The following PCDHGA8 variants were observed in gnomAD, a reference collection of about 807,000 sequenced individuals.
PCDHGA8 encodes the protein protocadherin gamma-A8.
PCDHGA8 carries 45 observed loss-of-function variants against 59.2 expected under a neutral mutation model. The ratio of observed to expected loss-of-function variants is 0.76; its 90% CI spans 0.60 to 0.98. The LOEUF is 0.98. PCDHGA8 is among the 50% of genes least tolerant of loss of function. The pLI is 0.00. For missense variants in PCDHGA8, 1,257 were observed against 1,196.2 expected (o/e 1.05, Z -0.75); for synonymous variants, 531 against 519.0 (o/e 1.02, Z -0.32).
At chr5:141,412,561 T>G (rs1183372771) in intron 1 of PCDHGA8, 3 of 152,184 alleles carry the variant, frequency 2.0e-5, no homozygotes, top group Admixed American at 6.5e-5. Context: ...TCTCATGAGT[T>G]TATTTAATAT....
intron 2 of PCDHGA8, among the ~76,000 whole-genome samples, chr5:141,498,971 G>GGAA (rs2099787559): frequency 9.0e-6 from 1 of 110,972 alleles, no homozygotes; most frequent in African/African-American, 3.6e-5. Flanking sequence ...GAGGGAGGGA[G>GGAA]GGAAGGAAGG....
rs750397953 is a variant in PCDHGA8 at position 141,409,543 on chromosome 5, C to CA, written c.2424+14308dup. 2.4e-5 allele frequency: 38 copies of CA among 1,613,884 alleles called. No individual in the cohort carries two copies. The South Asian group carries it at 4.1e-4, about 17-fold the overall frequency. On this transcript the variant is annotated intron_variant, in intron 1 of 3. Transcript: ENST00000398604. ...CCTTGTATGTCGCTGACATCAACGACAACGCCCCAGTTTTCGACCAGACGT... is the reference window on the plus strand; with the variant it reads ...CCTTGTATGTCGCTGACATCAACGACAAACGCCCCAGTTTTCGACCAGACGT...
chr5:141,428,587 G>C (rs914718913), intron 1 of PCDHGA8: 6 of 226,650 alleles, frequency 2.6e-5, no homozygotes, highest in Non-Finnish European at 5.3e-5. Flanking sequence ...AGTTTCTCTG[G>C]TAGCAAGCTT....
In PCDHGA8 at chr5:141,430,746, G is replaced by A. The variant is rs369205374; in HGVS notation, c.2424+35509G>A. ...TAAGGGCAGAATTGAAAATAATTCTGGAGGAAGATAAGAATGATTCCTGCG... is the reference window on the plus strand; with the variant it reads ...TAAGGGCAGAATTGAAAATAATTCTAGAGGAAGATAAGAATGATTCCTGCG... On this transcript the variant is annotated intron_variant, in intron 1 of 3. Coordinates refer to ENST00000398604, the MANE Select transcript of PCDHGA8 (RefSeq NM_032088.2). 3.3e-5 allele frequency: 49 copies of A among 1,500,684 alleles called. No homozygotes were observed. The African/African-American group carries it at 6.3e-4, about 19-fold the overall frequency. The allele number at this position is 1,500,684 out of a possible 1,614,324, so 93.0% of individuals were successfully genotyped here.
chr5:141,430,328 T>C (rs961978065), intron 1 of PCDHGA8, among the ~76,000 whole-genome samples: 1 of 152,036 alleles, frequency 6.6e-6, no homozygotes, highest in Non-Finnish European at 1.5e-5. Flanking sequence ...AAATCATTGT[T>C]TATAGAAACT....
Position 141,393,876 on chromosome 5 carries a change from C to A in PCDHGA8, c.1063C>A (p.Pro355Thr). 1 of 1,613,862 alleles carries A rather than the reference C, an allele frequency of 6.2e-7. No homozygotes were observed. Among genetic ancestry groups the A allele is most frequent in the Non-Finnish European group, 8.5e-7 (1 of 1,179,878 alleles). Residue 355 changes from proline (P) to threonine (T), a missense_variant, in exon 1 of 4, where the codon CCA (proline) becomes ACA (threonine). Coordinates refer to ENST00000398604, the MANE Select transcript of PCDHGA8 (RefSeq NM_032088.2). Reference sequence around the variant, plus strand: ...AGTGATCATTACGTCTTTGTTTAGCCCAGTGTTAGAAAATTCTCTTCCCGG... The same window carrying A: ...AGTGATCATTACGTCTTTGTTTAGCACAGTGTTAGAAAATTCTCTTCCCGG... ...PEVIITSLFS[P>T]VLENSLPGTV... is the part of the protein sequence containing the mutation.
At chr5:141,508,739 C>A (rs1344024245) in intron 3 of PCDHGA8, among the ~76,000 whole-genome samples, 1 of 152,156 alleles carries the variant, frequency 6.6e-6, no homozygotes, top group African/African-American at 2.4e-5. Context: ...ACACCCCCCA[C>A]CCCGCTCTTT....
In PCDHGA8 at chr5:141,491,679, T is replaced by G. The variant is rs111288145; in HGVS notation, c.2425-3128T>G. 1 of 1,613,496 alleles carries G rather than the reference T, an allele frequency of 6.2e-7. No individual in the cohort carries two copies. Among genetic ancestry groups the G allele is most frequent in the Non-Finnish European group, 8.5e-7 (1 of 1,179,828 alleles). On this transcript the variant is annotated intron_variant, in intron 1 of 3. Coordinates refer to ENST00000398604, the MANE Select transcript of PCDHGA8 (RefSeq NM_032088.2). The surrounding 1 kb of genome is among the most constrained non-coding windows in gnomAD (Gnocchi z 6.9). ...CTGACGCCATCCGGTCCCGCTCTAA[T>G]ACGCTGCGGGAGCGGAGCCAGGTGA...
At chr5:141,421,184 C>T (rs2096551183) in intron 1 of PCDHGA8, 4 of 1,457,822 alleles carry the variant, frequency 2.7e-6, no homozygotes, top group Non-Finnish European at 3.7e-6. Context: ...CGATTCACAA[C>T]CAACCAGCTC....
At position 141,494,824 on chromosome 5, in the gene PCDHGA8, G is replaced by C; in HGVS notation, c.2442G>C (p.Thr814=). 6.2e-7 allele frequency: 1 copy of C among 1,614,042 alleles called. No individual in the cohort carries two copies. Among genetic ancestry groups the C allele is most frequent in the East Asian group, 2.2e-5 (1 of 44,866 alleles). The change falls in exon 2 of 4, where the codon ACG becomes ACC. Residue 814 remains threonine, a synonymous_variant. Transcript: ENST00000398604. The part of the protein sequence containing the change: ...ADHGQQAPPN[T]DWRFSQAQRP... ...CTCCACAGCAAGCCCCGCCCAACAC[G>C]GACTGGCGTTTCTCTCAGGCCCAGA...
At position 141,485,731 on chromosome 5, in the gene PCDHGA8, C is replaced by G; in HGVS notation, c.2425-9076C>G. 6.2e-7 allele frequency: 1 copy of G among 1,614,152 alleles called. No homozygotes were observed. Among genetic ancestry groups the G allele is most frequent in the Non-Finnish European group, 8.5e-7 (1 of 1,180,022 alleles). ...TTGCACTGGATGTGAAGAAGCGCAG[C>G]GACGGCAGCCTGGTCCCAGAGCTGC... On this transcript the variant is annotated intron_variant, in intron 1 of 3. Transcript: ENST00000398604. The surrounding 1 kb of genome is among the most constrained non-coding windows in gnomAD (Gnocchi z 5.7).
rs138608867 is a variant in PCDHGA8 at position 141,477,655 on chromosome 5, T to C, written c.2425-17152T>C. 5.0e-3 allele frequency: 8,034 copies of C among 1,614,186 alleles called. 44 individuals carry two copies. The highest frequency in any genetic ancestry group is 9.4e-3 in the Admixed American group (567 of 60,020). On this transcript the variant is annotated intron_variant, in intron 1 of 3. Coordinates refer to ENST00000398604, the MANE Select transcript of PCDHGA8 (RefSeq NM_032088.2). The surrounding 1 kb of genome is among the most constrained non-coding windows in gnomAD (Gnocchi z 4.9). ...TAGTGGGTCGCTATTTCACAATAAA[T>C]CGTGACAATGGCATAGTGTCATCCT...
At chr5:141,404,769 A>G in intron 1 of PCDHGA8, 2 of 1,611,124 alleles carry the variant, frequency 1.2e-6, no homozygotes, top group Non-Finnish European at 1.7e-6. Flanking sequence ...TGGCTCTCCT[A>G]CCGCCTATTC....
At chr5:141,468,402 T>A (rs2154569909) in intron 1 of PCDHGA8, 1 of 150,014 alleles carries the variant, frequency 6.7e-6, no homozygotes, top group East Asian at 2.0e-4. Context: ...TGGTGAGAAC[T>A]AATAATAAGT....
rs776132438 is a variant in PCDHGA8 at position 141,432,197 on chromosome 5, G to A, written c.2424+36960G>A. The A allele has an allele frequency of 2.5e-6, 4 of 1,614,112 alleles. No individual in the cohort carries two copies. The South Asian group carries it at 3.3e-5, about 13-fold the overall frequency. The stretch of plus-strand genomic sequence containing the variant: ...CGTCTCTGTGACCGCCCACGACCCC[G>A]ACTGTGAAGAGAACGCCCAGATCAC... On this transcript the variant is annotated intron_variant, in intron 1 of 3. Coordinates refer to ENST00000398604, the MANE Select transcript of PCDHGA8 (RefSeq NM_032088.2). The surrounding 1 kb of genome is among the most constrained non-coding windows in gnomAD (Gnocchi z 6.0).
rs1187424114 is a variant in PCDHGA8, at chr5:141,485,341, G to A, written c.2425-9466G>A. On this transcript the variant is annotated intron_variant, in intron 1 of 3. Transcript: ENST00000398604. The surrounding 1 kb of genome is among the most constrained non-coding windows in gnomAD (Gnocchi z 5.7). ...TCGCTCAAGATTTCCTGCTGGATAC[G>A]GACAGTCTGTCAGCTCGCAGGCTGC... 2 of 1,614,118 alleles carry A rather than the reference G, an allele frequency of 1.2e-6. No individual in the cohort carries two copies. The highest frequency in any genetic ancestry group is 1.7e-5 in the Admixed American group (1 of 60,018).
rs201825683 is a variant in PCDHGA8 at position 141,404,916 on chromosome 5, C to T, written c.2424+9679C>T. The T allele has an allele frequency of 1.5e-4, 243 of 1,613,780 alleles. No homozygotes were observed. The highest frequency in any genetic ancestry group is 1.1e-4 in the Non-Finnish European group (126 of 1,179,862). ...CAGGACCATGGCCAGCCCCCTCTCTCGGCCACTGTCACGCTCACAGTAGCC... is the reference window on the plus strand; with the variant it reads ...CAGGACCATGGCCAGCCCCCTCTCTTGGCCACTGTCACGCTCACAGTAGCC... On this transcript the variant is annotated intron_variant, in intron 1 of 3. Transcript: ENST00000398604.
chr5:141,437,741 CTTT>C (rs35124340), intron 1 of PCDHGA8, among the ~76,000 whole-genome samples: 1 of 141,708 alleles, frequency 7.1e-6, no homozygotes. Context: ...TTGAGTTCAC[CTTT>C]TTTTTTTTTT....
intron 2 of PCDHGA8, among the ~76,000 whole-genome samples, chr5:141,500,023 G>C (rs1393994881): frequency 1.3e-5 from 2 of 151,754 alleles, no homozygotes; most frequent in Admixed American, 6.6e-5. Flanking sequence ...TTTTATATTT[G>C]AGTGAGTGTC....
Sources: gnomAD v4.1 joint callset for allele counts (sites outside exome capture counted in the v4.1 genomes callset) on GRCh38, gnomAD v4.1.1 for gene constraint, Gnocchi (gnomAD v3.1) non-coding constraint, MANE v1.5 for transcripts, NCBI Gene and HGNC (gene_info 2026-07-23, HGNC 2026-07-21) for gene names.